Variants in C12orf42 observed in about 807,000 individuals in gnomAD.
C12orf42 encodes the protein chromosome 12 open reading frame 42, also known as uncharacterized protein C12orf42.
In C12orf42, 25 loss-of-function variants were observed where a neutral mutation model predicts 21.6. The ratio of observed to expected loss-of-function variants is 1.16; its 90% confidence interval spans 0.84 to 1.62. C12orf42 has a LOEUF of 1.62. C12orf42 is among the 40% of genes most tolerant of loss of function. The probability of loss-of-function intolerance (pLI) is 0.00; values close to 1 mark genes in which losing one functional copy is unlikely to be tolerated. For missense variants in C12orf42, 483 were observed against 459.3 expected (o/e 1.05, Z -0.47); for synonymous variants, 174 against 175.0 (o/e 0.99, Z 0.05).
At chr12:103,525,943 C>A in the C12orf42 span, among the ~76,000 whole-genome samples, 2 of 152,186 alleles carry the variant, frequency 1.3e-5, no homozygotes, top group Admixed American at 1.3e-4. Context: ...AGGAGAATTG[C>A]TTGAAACCGA....
chr12:103,255,339 T>C (rs1260960865), intron 10 of C12orf42, among the ~76,000 whole-genome samples: 1 of 152,076 alleles, frequency 6.6e-6, no homozygotes, highest in Non-Finnish European at 1.5e-5. Context: ...ACCACTGCAC[T>C]CCAGTCTGGC....
the C12orf42 span, among the ~76,000 whole-genome samples, chr12:103,086,800 G>C: frequency 3.3e-5 from 5 of 151,952 alleles, no homozygotes; most frequent in African/African-American, 1.2e-4. Context: ...TTCTTTCTAA[G>C]CCTTTTATTT....
chr12:103,285,849 ACT>A (rs2036416588), intron 4 of C12orf42, among the ~76,000 whole-genome samples: 1 of 152,304 alleles, frequency 6.6e-6, no homozygotes, highest in Non-Finnish European at 1.5e-5. Context: ...TGAAAATATA[ACT>A]CTGTGAAAGC....
the C12orf42 span, among the ~76,000 whole-genome samples, chr12:103,211,058 A>G: frequency 6.6e-6 from 1 of 152,120 alleles, no homozygotes; most frequent in Non-Finnish European, 1.5e-5. Context: ...GCAAGCAGTG[A>G]TCATTCTGTA....
chr12:103,230,794 G>C, the C12orf42 span, among the ~76,000 whole-genome samples: 110 of 152,146 alleles, frequency 7.2e-4, no homozygotes, highest in African/African-American at 2.5e-3. Context: ...TTGATTTGCT[G>C]TTTCATTTAT....
chr12:103,434,508 G>T (rs1950512325), intron 2 of C12orf42, among the ~76,000 whole-genome samples: 1 of 152,150 alleles, frequency 6.6e-6, no homozygotes, highest in African/African-American at 2.4e-5. Flanking sequence ...TCTCACTAGG[G>T]AGTGCCAGAC....
At chr12:103,347,800 A>G (rs2042765866) in intron 4 of C12orf42, among the ~76,000 whole-genome samples, 1 of 152,174 alleles carries the variant, frequency 6.6e-6, no homozygotes, top group Non-Finnish European at 1.5e-5. Flanking sequence ...CAGGAGGGAG[A>G]CATTTTACTC....
the C12orf42 span, among the ~76,000 whole-genome samples, chr12:103,550,287 A>G: frequency 6.6e-6 from 1 of 152,154 alleles, no homozygotes; most frequent in African/African-American, 2.4e-5. Flanking sequence ...ATAAAACTAT[A>G]CTCAAAGTCA....
At chr12:103,563,064 A>G in the C12orf42 span, among the ~76,000 whole-genome samples, 1 of 152,184 alleles carries the variant, frequency 6.6e-6, no homozygotes, top group Non-Finnish European at 1.5e-5. Context: ...GTTTCTTTTA[A>G]GAGTTAGCAG....
intron 1 of C12orf42, 136 bp from the exon 2 acceptor site, chr12:103,478,583 A>ATTTT (rs3065865): frequency 2.1e-4 from 60 of 280,256 alleles, no homozygotes; most frequent in East Asian, 3.1e-4. Context: ...ACTTTCAATA[A>ATTTT]TTTTTTTTTT....
chr12:103,507,144 TAATATAAATATA>T, the C12orf42 span, among the ~76,000 whole-genome samples: 99 of 21,788 alleles, frequency 4.5e-3, 13 homozygotes, highest in African/African-American at 0.038. Context: ...ATTATATATA[TAATATAAATATA>T]TATATATAAT....
chr12:103,536,720 C>T, the C12orf42 span, among the ~76,000 whole-genome samples: 5 of 152,108 alleles, frequency 3.3e-5, no homozygotes, highest in Non-Finnish European at 5.9e-5. Context: ...TCATTATGTC[C>T]TTTCTCCTTT....
chr12:103,161,098 T>C, the C12orf42 span, among the ~76,000 whole-genome samples: 1 of 152,238 alleles, frequency 6.6e-6, no homozygotes. Flanking sequence ...AAACGTGTAA[T>C]GGATACCATA....
the C12orf42 span, among the ~76,000 whole-genome samples, chr12:103,067,382 A>G: frequency 3.3e-5 from 5 of 152,126 alleles, no homozygotes; most frequent in Non-Finnish European, 5.9e-5. Context: ...TGGTCTTGCC[A>G]TGCTCCCCAT....
At chr12:103,409,982 T>C (rs1363773080) in intron 2 of C12orf42, among the ~76,000 whole-genome samples, 2 of 152,228 alleles carry the variant, frequency 1.3e-5, no homozygotes, top group Non-Finnish European at 2.9e-5. Context: ...GTCCCAGACA[T>C]GGAACTTACT....
chr12:103,524,320 G>T, the C12orf42 span, among the ~76,000 whole-genome samples: 1 of 152,156 alleles, frequency 6.6e-6, no homozygotes, highest in African/African-American at 2.4e-5. Context: ...CTATAAGGAG[G>T]AATCAAAGAG....
intron 10 of C12orf42, among the ~76,000 whole-genome samples, chr12:103,244,706 C>T (rs772776705): frequency 6.6e-6 from 1 of 152,040 alleles, no homozygotes; most frequent in Non-Finnish European, 1.5e-5. Flanking sequence ...CAAGGCCATA[C>T]ATCTAACTTA....
At chr12:103,436,437 A>T (rs969003056) in intron 2 of C12orf42, among the ~76,000 whole-genome samples, 10 of 152,142 alleles carry the variant, frequency 6.6e-5, no homozygotes, top group African/African-American at 2.4e-4. Flanking sequence ...AAATGCTCCA[A>T]TTAAAAGACA....
At chr12:103,206,557 G>C in the C12orf42 span, among the ~76,000 whole-genome samples, 1 of 151,298 alleles carries the variant, frequency 6.6e-6, no homozygotes, top group African/African-American at 2.4e-5. Context: ...TGATTAAAAA[G>C]TGACTTTCAT....
Sources: allele counts gnomAD v4.1 joint callset (sites outside exome capture counted in the v4.1 genomes callset), GRCh38; gene constraint gnomAD v4.1.1; transcripts MANE v1.5; gene names NCBI Gene and HGNC (gene_info 2026-07-23, HGNC 2026-07-21).